The following THEM5 variants were observed in gnomAD, a reference collection of about 807,000 sequenced individuals.
THEM5 encodes the protein acyl-coenzyme A thioesterase THEM5.
THEM5 carries 28 observed loss-of-function variants against 24.2 expected under a neutral mutation model. The observed-to-expected ratio is 1.16, with a 90% CI of 0.86 to 1.59. The LOEUF (loss-of-function observed/expected upper bound fraction) is 1.59, where lower values mean the gene tolerates loss of function less well. THEM5 is among the 40% of genes most tolerant of loss of function. The probability of loss-of-function intolerance (pLI) is 0.00; values close to 1 mark genes in which losing one functional copy is unlikely to be tolerated. For missense variants in THEM5, 260 were observed against 296.8 expected, an observed-to-expected ratio of 0.88 and a Z score of 0.91; for synonymous variants, 87 against 114.5, an observed-to-expected ratio of 0.76 and a Z score of 1.53.
chr1:151,852,379 G>A lies in THEM5; in HGVS notation c.204C>T (p.Ser68=). The stretch of plus-strand genomic sequence containing the variant: ...TCTTCTCCAGAAATTCTTGGTACAG[G>A]CTCAGCATGTCCGAACACCAGCTGG... The part of the protein sequence containing the change: ...PNASWCSDML[S]LYQEFLEKTK... The change falls in exon 2 of 6, where the codon AGC becomes AGT. Residue 68 remains serine, a synonymous_variant. Transcript: ENST00000368817. 6.2e-7 allele frequency: 1 copy of A among 1,614,122 alleles called. No individual in the cohort carries two copies. The highest frequency in any genetic ancestry group is 8.5e-7 in the Non-Finnish European group (1 of 1,180,026).
chr1:151,853,273 A>G (rs1653174495), intron 1 of THEM5, among the ~76,000 whole-genome samples, 170 bp downstream of exon 1: 1 of 152,166 alleles, frequency 6.6e-6, no homozygotes, highest in South Asian at 2.1e-4. Context: ...TTTAGTTTTG[A>G]ATGGGGGCAA....
chr1:151,848,295 G>C lies in THEM5; in HGVS notation c.465-3C>G, dbSNP rs984113792. 1 of 1,613,732 alleles carries C rather than the reference G, an allele frequency of 6.2e-7. No individual in the cohort carries two copies. Among genetic ancestry groups the C allele is most frequent in the Non-Finnish European group, 8.5e-7 (1 of 1,179,676 alleles). On this transcript the variant is annotated splice_region_variant and splice_polypyrimidine_tract_variant and intron_variant, in intron 3 of 5. Coordinates refer to ENST00000368817, the MANE Select transcript of THEM5 (RefSeq NM_182578.4). ...CCAGGGACCCGCCGTGAGCAAACCT[G>C]GGGGTGGGGTAAGGTGAGGAGCAAG...
chr1:151,852,423 C>A lies in THEM5; in HGVS notation c.160G>T (p.Asp54Tyr). The A allele has an allele frequency of 6.2e-7, 1 of 1,614,168 alleles. No individual in the cohort carries two copies. The highest frequency in any genetic ancestry group is 8.5e-7 in the Non-Finnish European group (1 of 1,180,046). Residue 54 changes from aspartate (D) to tyrosine (Y), a missense_variant, in exon 2 of 6, where the codon GAT becomes TAT. Physicochemically the swap from Asp to Tyr is radical, Grantham distance 160 (BLOSUM62 -3). Transcript: ENST00000368817. ...RFLPEKTDLK[D>Y]YALPNASWCS... Reference sequence around the variant, plus strand: ...CAGCTGGCATTGGGAAGAGCATAATCCTTCAAGTCTGTCTTCTCTGGCAAG... The same window carrying A: ...CAGCTGGCATTGGGAAGAGCATAATACTTCAAGTCTGTCTTCTCTGGCAAG...
intron 2 of THEM5, 150 bp from the exon 3 acceptor site, chr1:151,851,341 G>GCTCC: frequency 2.1e-6 from 2 of 974,380 alleles, no homozygotes; most frequent in Non-Finnish European, 3.1e-6. Context: ...CCCTCTGGGA[G>GCTCC]CAGAGGCACA....
At chr1:151,853,171 A>G (rs1653172534) in intron 1 of THEM5, among the ~76,000 whole-genome samples, 1 of 152,264 alleles carries the variant, frequency 6.6e-6, no homozygotes, top group Admixed American at 6.5e-5. Context: ...GGGATACCCC[A>G]GCTTTGCTGC....
intron 2 of THEM5, among the ~76,000 whole-genome samples, chr1:151,851,636 T>C (rs778741587): frequency 5.2e-4 from 79 of 152,306 alleles, no homozygotes; most frequent in Admixed American, 2.0e-3. Flanking sequence ...AAAAAAATTA[T>C]GTTGGTATTC....
chr1:151,848,056 G>A, intron 4 of THEM5, 126 bp downstream of exon 4: 1 of 1,419,350 alleles, frequency 7.0e-7, no homozygotes, highest in Non-Finnish European at 9.8e-7. Flanking sequence ...TAGAGGAATT[G>A]CTTGGGAGTG....
Position 151,851,057 on chromosome 1 carries a change from G to C in THEM5, c.460C>G (p.Pro154Ala). 6.2e-7 allele frequency: 1 copy of C among 1,614,102 alleles called. No individual in the cohort carries two copies. The highest frequency in any genetic ancestry group is 8.5e-7 in the Non-Finnish European group (1 of 1,180,006). The change falls in exon 3 of 6, where the codon CCA becomes GCA. Residue 154 changes from proline (P) to alanine (A), a missense_variant. By Grantham distance (27) the Pro-to-Ala change is conservative (BLOSUM62 -1). Coordinates refer to ENST00000368817, the MANE Select transcript of THEM5 (RefSeq NM_182578.4). ...AGGTCCTACCAGTGACCTTACCCTG[G>C]GGGCCCCTCCAGGTAGGAGCCTGGT... ...FQPGSYLEGP[P>A]GFAHGGSLAA...
intron 3 of THEM5, among the ~76,000 whole-genome samples, chr1:151,849,230 A>C (rs1289970673): frequency 1.3e-5 from 2 of 152,094 alleles, no homozygotes; most frequent in Non-Finnish European, 2.9e-5. Context: ...ATTAAAAAAA[A>C]AAAAAAAAGC....
rs1572063199 is a variant in THEM5, at chr1:151,852,581, C to G, written c.124-122G>C. The G allele has an allele frequency of 1.2e-5, 11 of 919,586 alleles. No homozygotes were observed. In the South Asian group the frequency reaches 1.7e-4, roughly 14 times the overall value. The allele number at this position is 919,586 out of a possible 1,614,324, so 57.0% of individuals were successfully genotyped here. ...TTCTCAATCCCTTCTGCCAGAGTAT[C>G]GATCCAAGGGAAAGGGCCCATATTC... On this transcript the variant is annotated intron_variant, in intron 1 of 5. Coordinates refer to ENST00000368817, the MANE Select transcript of THEM5 (RefSeq NM_182578.4).
At position 151,851,100 on chromosome 1, in the gene THEM5, CT is replaced by C. The variant is rs750680216; in HGVS notation, c.416del (p.Lys139SerfsTer27). The C allele has an allele frequency of 4.3e-6, 7 of 1,613,854 alleles. No individual in the cohort carries two copies. The highest frequency in any genetic ancestry group is 5.9e-6 in the Non-Finnish European group (7 of 1,179,986). ...AGCCTGGTTGGAAAAGACAGACCGACTTCTTCTGGGTTGGCTGGAAAAAGAT... is the reference window on the plus strand; with the variant it reads ...AGCCTGGTTGGAAAAGACAGACCGACTCTTCTGGGTTGGCTGGAAAAAGAT... ...YVIFFQPTQK[K>X]SVCLFQPGSY... is the part of the protein sequence containing the mutation. On this transcript the variant is annotated frameshift_variant, in exon 3 of 6. Transcript: ENST00000368817. LOFTEE classifies it high-confidence loss of function.
rs780414160 is a variant in THEM5 at position 151,847,826 on chromosome 1, T to C, written c.612A>G (p.Val204=). Residue 204 remains valine (V), a synonymous_variant, in exon 5 of 6, where the codon GTA becomes GTG. Coordinates refer to ENST00000368817, the MANE Select transcript of THEM5 (RefSeq NM_182578.4). ...IPVDSLVVMD[V]ELDKIEDQKL... The stretch of plus-strand genomic sequence containing the variant: ...TCTGGTCCTCAATCTTGTCCAGTTC[T>C]ACGTCCATTACAACCAGAGAGTCCA... 7 of 1,613,978 alleles carry C rather than the reference T, an allele frequency of 4.3e-6. No individual in the cohort carries two copies. In the East Asian group the frequency reaches 1.3e-4, roughly 31 times the overall value.
chr1:151,848,346 C>A, intron 3 of THEM5, 54 bp from the exon 4 acceptor site: 1 of 1,411,866 alleles, frequency 7.1e-7, no homozygotes, highest in Non-Finnish European at 1.0e-6. Context: ...GCTGGGCAGA[C>A]CCCCTCAATG....
At chr1:151,853,333 A>G in intron 1 of THEM5, 110 bp downstream of exon 1, 1 of 1,401,940 alleles carries the variant, frequency 7.1e-7, no homozygotes, top group Non-Finnish European at 9.5e-7. Context: ...AGCTCCTCCG[A>G]ACACTGCCCA....
intron 1 of THEM5, 54 bp from the exon 2 acceptor site, chr1:151,852,513 C>A: frequency 6.3e-7 from 1 of 1,578,516 alleles, no homozygotes; most frequent in South Asian, 1.1e-5. Context: ...GGGCTGCTGC[C>A]TGGGCTCGGG....
At chr1:151,847,483 A>G in intron 5 of THEM5, 69 bp from the exon 6 acceptor site, 1 of 1,599,876 alleles carries the variant, frequency 6.3e-7, no homozygotes, top group Non-Finnish European at 8.6e-7. Context: ...GGACACTCTG[A>G]GCATTTGGCT....
chr1:151,852,953 A>G (rs1353637460), intron 1 of THEM5, among the ~76,000 whole-genome samples: 1 of 152,158 alleles, frequency 6.6e-6, no homozygotes, highest in Non-Finnish European at 1.5e-5. Context: ...AGCTCTGCCC[A>G]CTGCTGTGGG....
chr1:151,847,977 G>A (rs895541934), intron 4 of THEM5, 115 bp from the exon 5 acceptor site: 2 of 1,541,112 alleles, frequency 1.3e-6, no homozygotes, highest in South Asian at 1.2e-5. Context: ...CTCAGAAGTG[G>A]CCCTGGGCTC....
At chr1:151,849,765 A>C (rs531637183) in intron 3 of THEM5, among the ~76,000 whole-genome samples, 1 of 152,162 alleles carries the variant, frequency 6.6e-6, no homozygotes, top group Non-Finnish European at 1.5e-5. Flanking sequence ...CTGGGGACCC[A>C]TTGGCCAGTA....
Sources: allele counts gnomAD v4.1 joint callset (sites outside exome capture counted in the v4.1 genomes callset), GRCh38; gene constraint gnomAD v4.1.1; transcripts MANE v1.5; gene names NCBI Gene and HGNC (gene_info 2026-07-23, HGNC 2026-07-21).